Variants in HAUS8 observed in about 807,000 individuals in gnomAD.
The protein encoded by HAUS8 is HAUS augmin-like complex subunit 8.
Under a neutral mutation model 42.9 loss-of-function variants are expected in HAUS8, and 38 were observed. The ratio of observed to expected loss-of-function variants is 0.89; its 90% CI spans 0.68 to 1.16. The LOEUF is 1.16. Ranked by LOEUF, HAUS8 falls within the 50% of genes most tolerant of loss-of-function variation. The probability of loss-of-function intolerance (pLI) is 0.00; values close to 1 mark genes in which losing one functional copy is unlikely to be tolerated. For missense variants in HAUS8, 494 were observed against 511.6 expected (o/e 0.97, Z 0.33); for synonymous variants, 199 against 205.8 (o/e 0.97, Z 0.28).
intron 10 of HAUS8, among the ~76,000 whole-genome samples, chr19:17,050,611 A>G (rs932878844): frequency 1.4e-4 from 21 of 152,104 alleles, no homozygotes; most frequent in African/African-American, 4.6e-4. Context: ...ATTTTTTTAA[A>G]AATACTGGGC....
At chr19:17,056,652 G>A (rs897675065) in intron 8 of HAUS8, among the ~76,000 whole-genome samples, 26 of 152,098 alleles carry the variant, frequency 1.7e-4, no homozygotes, top group African/African-American at 5.1e-4. Flanking sequence ...GTGCAGCGGC[G>A]CAGTCTCGGC....
intron 3 of HAUS8, among the ~76,000 whole-genome samples, chr19:17,063,931 C>T (rs542581810): frequency 1.3e-5 from 2 of 152,284 alleles, no homozygotes; most frequent in African/African-American, 2.4e-5. Flanking sequence ...ATTTCTCAGC[C>T]TCCATAATCA....
intron 2 of HAUS8, among the ~76,000 whole-genome samples, chr19:17,069,601 T>A (rs1183426747): frequency 8.2e-6 from 1 of 121,664 alleles, no homozygotes; most frequent in African/African-American, 3.0e-5. Flanking sequence ...AAATCCCTAG[T>A]GACAGCCCAA....
At chr19:17,069,570 A>G (rs1170752343) in intron 2 of HAUS8, among the ~76,000 whole-genome samples, 1 of 148,782 alleles carries the variant, frequency 6.7e-6, no homozygotes, top group Non-Finnish European at 1.5e-5. Flanking sequence ...CCCAACACCC[A>G]GGCCCTCTTC....
intron 9 of HAUS8, chr19:17,055,138 AAAAAAATATATATAT>A (rs1260017857): frequency 0.017 from 497 of 29,594 alleles, 28 homozygotes; most frequent in Non-Finnish European, 0.024. Context: ...AAAAAAAAAA[AAAAAAATATATATAT>A]ATATATATAT....
intron 10 of HAUS8, among the ~76,000 whole-genome samples, chr19:17,051,056 T>C (rs1433904155): frequency 6.6e-6 from 1 of 151,980 alleles, no homozygotes; most frequent in African/African-American, 2.4e-5. Context: ...TGAAATCCTG[T>C]CTCAATAATA....
chr19:17,074,064 A>C (rs935784315), intron 1 of HAUS8: 1 of 152,272 alleles, frequency 6.6e-6, no homozygotes, highest in Non-Finnish European at 1.5e-5. Context: ...GTAATAGGAA[A>C]GAAGGGACCC....
chr19:17,075,088 A>G, intron 1 of HAUS8: 1 of 471,654 alleles, frequency 2.1e-6, no homozygotes, highest in Non-Finnish European at 3.9e-6. Flanking sequence ...CGCGACGCCT[A>G]CGAGGTTGAG....
At chr19:17,058,771 C>T (rs2057341660) in intron 7 of HAUS8, 40 bp downstream of exon 7, 1 of 1,608,040 alleles carries the variant, frequency 6.2e-7, no homozygotes. Context: ...GGAGGCCACC[C>T]TTCCATCCAT....
At chr19:17,070,762 G>C (rs746541168) in intron 2 of HAUS8, among the ~76,000 whole-genome samples, 3 of 152,192 alleles carry the variant, frequency 2.0e-5, no homozygotes, top group Non-Finnish European at 4.4e-5. Context: ...GTAGGCACTC[G>C]ATAATATGTC....
chr19:17,063,087 T>C (rs959411014), intron 3 of HAUS8, among the ~76,000 whole-genome samples: 2 of 152,236 alleles, frequency 1.3e-5, no homozygotes, highest in Admixed American at 6.5e-5. Context: ...AGAGAACATA[T>C]AACTTTGGTC....
intron 2 of HAUS8, 149 bp from the exon 3 acceptor site, chr19:17,069,235 T>C (rs1474063053): frequency 4.3e-6 from 3 of 695,330 alleles, no homozygotes; most frequent in Non-Finnish European, 7.8e-6. Context: ...CCTGCTCGCC[T>C]CTGATCACGT....
intron 2 of HAUS8, among the ~76,000 whole-genome samples, chr19:17,072,340 T>C (rs1050596374): frequency 1.2e-5 from 1 of 81,246 alleles, no homozygotes; most frequent in East Asian, 2.4e-4. Flanking sequence ...AGCATTTCCT[T>C]TTTTTTTTTT....
At chr19:17,073,815 T>G (rs1195717782) in intron 1 of HAUS8, 1 of 171,596 alleles carries the variant, frequency 5.8e-6, no homozygotes, top group African/African-American at 2.4e-5. Flanking sequence ...CCATCCTGGC[T>G]AACATGGTGA....
At chr19:17,068,981 T>G in intron 3 of HAUS8, 50 bp downstream of exon 3, 1 of 1,570,628 alleles carries the variant, frequency 6.4e-7, no homozygotes, top group Non-Finnish European at 8.7e-7. Flanking sequence ...TTCCAGTTGC[T>G]CAGAACCTTG....
At chr19:17,065,663 A>G (rs2123376272) in intron 3 of HAUS8, among the ~76,000 whole-genome samples, 1 of 152,174 alleles carries the variant, frequency 6.6e-6, no homozygotes, top group South Asian at 2.1e-4. Flanking sequence ...CCCCGTCTCT[A>G]CTAAAAATAC....
At chr19:17,053,297 T>C (rs1599968883) in intron 9 of HAUS8, 1 of 316,516 alleles carries the variant, frequency 3.2e-6, no homozygotes, top group Non-Finnish European at 6.0e-6. Context: ...AGCCAGACCA[T>C]GAGCAACTGA....
chr19:17,074,195 A>G (rs1445279827), intron 1 of HAUS8: 1 of 152,482 alleles, frequency 6.6e-6, no homozygotes, highest in Non-Finnish European at 1.5e-5. Flanking sequence ...AAGAACAGAC[A>G]CCAGCAACAC....
Position 17,069,022 on chromosome 19 carries a change from C to G in HAUS8, c.147+9G>C. The G allele has an allele frequency of 6.2e-7, 1 of 1,611,014 alleles. No homozygotes were observed. On this transcript the variant is annotated intron_variant, in intron 3 of 10. Transcript: ENST00000253669. ...AACTGCTGCAAATGGAAGCTGGGTG[C>G]GGCCTTACCTTTTGGGTTGTCTTCT...
Sources: allele counts gnomAD v4.1 joint callset (sites outside exome capture counted in the v4.1 genomes callset), GRCh38; gene constraint gnomAD v4.1.1; transcripts MANE v1.5; gene names NCBI Gene and HGNC (gene_info 2026-07-23, HGNC 2026-07-21).